Variants in CLN6 observed in about 807,000 individuals in gnomAD.
CLN6 encodes CLN6 transmembrane ER protein.
CLN6 carries 22 observed loss-of-function variants against 33.3 expected under a neutral mutation model. The ratio of observed to expected loss-of-function variants is 0.66; its 90% CI spans 0.47 to 0.94. The LOEUF (loss-of-function observed/expected upper bound fraction) is 0.94, where lower values mean the gene tolerates loss of function less well. Among genes scored for constraint, CLN6 ranks in the 40% least tolerant of loss-of-function variants. CLN6 has a pLI of 0.00. For synonymous variants in CLN6, 201 were observed against 174.6 expected (o/e 1.15, Z -1.19); for missense variants, 387 against 417.1 (o/e 0.93, Z 0.63).
chr15:68,220,502 G>A lies in CLN6; in HGVS notation c.84-1852C>T, dbSNP rs942214331. ...GTGGGACTTTTCCAACTGCAGGTGA[G>A]GAAAAGAGCTCCTTCCTTTATAGTG... On this transcript the variant is annotated intron_variant, in intron 1 of 6. Coordinates refer to ENST00000249806, the MANE Select transcript of CLN6 (RefSeq NM_017882.3). The surrounding 1 kb of genome is among the most constrained non-coding windows in gnomAD (Gnocchi z 4.2). Among the ~76,000 whole-genome samples, 8 of 152,270 alleles carry A rather than the reference G, an allele frequency of 5.3e-5. No homozygotes were observed. Among genetic ancestry groups the A allele is most frequent in the Non-Finnish European group, 8.8e-5 (6 of 68,054 alleles).
intron 1 of CLN6, among the ~76,000 whole-genome samples, chr15:68,250,400 A>G (rs1407570108): frequency 6.6e-6 from 1 of 152,046 alleles, no homozygotes; most frequent in African/African-American, 2.4e-5. Flanking sequence ...AGGCAGGCGG[A>G]TCAAGAGGTC....
At chr15:68,232,691 CT>C (rs2093270057), upstream of CLN6, among the ~76,000 whole-genome samples, 1 of 152,186 alleles carries the variant, frequency 6.6e-6, no homozygotes, top group Non-Finnish European at 1.5e-5. The surrounding 1 kb of genome is among the most constrained non-coding windows in gnomAD (Gnocchi z 4.7). Context: ...ATAAATTTTT[CT>C]CTCTTCCTCT....
chr15:68,235,111 T>C (rs1196360797), intron 1 of CLN6, among the ~76,000 whole-genome samples: 1 of 152,220 alleles, frequency 6.6e-6, no homozygotes, highest in Non-Finnish European at 1.5e-5. Context: ...CAGTGCTTAA[T>C]GTGTATTATC....
At position 68,209,850 on chromosome 15, in the gene CLN6, G is replaced by C; in HGVS notation, c.543-91C>G. 6.4e-7 allele frequency: 1 copy of C among 1,561,528 alleles called. No homozygotes were observed. The highest frequency in any genetic ancestry group is 1.1e-5 in the South Asian group (1 of 89,382). On this transcript the variant is annotated intron_variant, in intron 5 of 6. Coordinates refer to ENST00000249806, the MANE Select transcript of CLN6 (RefSeq NM_017882.3). The surrounding 1 kb of genome is among the most constrained non-coding windows in gnomAD (Gnocchi z 4.9). ...CCACTCCCATGGGGTCTCATGGAGTGCCACGTCACAGTTTACAAAACGCCT... is the reference window on the plus strand; with the variant it reads ...CCACTCCCATGGGGTCTCATGGAGTCCCACGTCACAGTTTACAAAACGCCT...
Position 68,211,959 on chromosome 15 carries a change from C to T in CLN6, c.298-96G>A, listed in dbSNP as rs2093207133. ...CCTCACACCTGGGGTGGGATGGACG[C>T]TTCCAGCTGGAATGTCACTCCAAAA... is the stretch of plus-strand genomic sequence containing the variant. On this transcript the variant is annotated intron_variant, in intron 3 of 6. Coordinates refer to ENST00000249806, the MANE Select transcript of CLN6 (RefSeq NM_017882.3). This position sits in a 1 kb window ranked among gnomAD's most constrained non-coding sequence, Gnocchi z 5.9. The T allele has an allele frequency of 2.3e-6, 3 of 1,279,470 alleles. No individual in the cohort carries two copies. Among genetic ancestry groups the T allele is most frequent in the Non-Finnish European group, 3.3e-6 (3 of 910,004 alleles). The allele number at this position is 1,279,470 out of a possible 1,614,324, so 79.3% of individuals were successfully genotyped here.
chr15:68,249,851 C>A (rs1199065094), intron 1 of CLN6, among the ~76,000 whole-genome samples: 1 of 152,162 alleles, frequency 6.6e-6, no homozygotes, highest in Non-Finnish European at 1.5e-5. Flanking sequence ...TCGGCTCCTG[C>A]AACCTCTGCC....
intron 1 of CLN6, among the ~76,000 whole-genome samples, chr15:68,223,298 G>A (rs891412539): frequency 2.0e-5 from 3 of 152,146 alleles, no homozygotes; most frequent in African/African-American, 7.2e-5. Context: ...GAGCTGAGAT[G>A]CCTGGCTTAC....
intron 2 of CLN6, chr15:68,215,305 A>T (rs780774883): frequency 7.2e-5 from 11 of 152,244 alleles, no homozygotes; most frequent in Middle Eastern, 3.4e-3. Context: ...GCATGTGTTT[A>T]TCTGCCTCTT....
At chr15:68,230,541 G>C (rs968296061), upstream of CLN6, among the ~76,000 whole-genome samples, 2 of 152,212 alleles carry the variant, frequency 1.3e-5, no homozygotes, top group African/African-American at 4.8e-5. The surrounding 1 kb of genome is among the most constrained non-coding windows in gnomAD (Gnocchi z 4.0). Context: ...CTGCAGGGCA[G>C]ATTGCCAGGA....
rs1368626498 is a variant in CLN6, at chr15:68,214,415, C to T, written c.199-27G>A. On this transcript the variant is annotated intron_variant, in intron 2 of 6. Coordinates refer to ENST00000249806, the MANE Select transcript of CLN6 (RefSeq NM_017882.3). ...TGCGGAGCAAATGGAAGAATGGGCT[C>T]ACCTGGGCACAGCCCCACGCGGCCC... The T allele has an allele frequency of 3.8e-6, 6 of 1,567,166 alleles. No homozygotes were observed. The South Asian group carries it at 5.6e-5, about 15-fold the overall frequency.
chr15:68,239,381 G>T (rs1892261727), intron 1 of CLN6, among the ~76,000 whole-genome samples: 1 of 151,832 alleles, frequency 6.6e-6, no homozygotes, highest in Non-Finnish European at 1.5e-5. Flanking sequence ...GATGAAAAAA[G>T]ATATAACAGG....
chr15:68,235,518 C>T (rs1011704797), intron 1 of CLN6, among the ~76,000 whole-genome samples: 12 of 150,398 alleles, frequency 8.0e-5, no homozygotes, highest in South Asian at 2.1e-4. Flanking sequence ...TGCATTGAGC[C>T]GAGATCGTGC....
chr15:68,221,371 G>A (rs1226827340), intron 1 of CLN6, among the ~76,000 whole-genome samples: 2 of 152,138 alleles, frequency 1.3e-5, no homozygotes, highest in Non-Finnish European at 1.5e-5. Flanking sequence ...GCCTGGGATC[G>A]CAGGCACACG....
chr15:68,250,418 C>G (rs547469460), intron 1 of CLN6, among the ~76,000 whole-genome samples: 1 of 151,664 alleles, frequency 6.6e-6, no homozygotes, highest in Non-Finnish European at 1.5e-5. Context: ...GTCAAGAGAT[C>G]AAGACCATTC....
At chr15:68,235,630 A>C (rs965742907) in intron 1 of CLN6, among the ~76,000 whole-genome samples, 7 of 114,906 alleles carry the variant, frequency 6.1e-5, no homozygotes, top group African/African-American at 2.2e-4. Context: ...ATATATATAT[A>C]TATCGATTAA....
chr15:68,226,908 T>G (rs1257416905), intron 1 of CLN6, among the ~76,000 whole-genome samples: 3 of 152,250 alleles, frequency 2.0e-5, no homozygotes, highest in Non-Finnish European at 4.4e-5. Flanking sequence ...AAAAAAGAGC[T>G]AAAAGAAGCT....
rs961769438 is a variant in CLN6, at chr15:68,236,677, C to A, written c.180-18027G>T. On this transcript the variant is annotated intron_variant, in intron 1 of 6. Transcript: ENST00000538696. This position sits in a 1 kb window ranked among gnomAD's most constrained non-coding sequence, Gnocchi z 4.5. ...TTAAGTAGTGGTAATGACTTCACAA[C>A]TTCTGTGAATATACTAAAAACCACT... Among the ~76,000 whole-genome samples the A allele has an allele frequency of 2.6e-5, 4 of 152,188 alleles. No individual in the cohort carries two copies. Among genetic ancestry groups the A allele is most frequent in the Admixed American group, 1.3e-4 (2 of 15,274 alleles).
At position 68,229,489 on chromosome 15, in the gene CLN6, G is replaced by A. The variant is rs938706029; in HGVS notation, c.83+13C>T. On this transcript the variant is annotated intron_variant, in intron 1 of 6. Coordinates refer to ENST00000249806, the MANE Select transcript of CLN6 (RefSeq NM_017882.3). ...GGCGCCTAGCCCGCCCTCTCACCCC[G>A]GCGCGCGCCCACCTGGCCTGCAGGA... The A allele has an allele frequency of 4.1e-6, 6 of 1,460,540 alleles. 1 individual carries two copies. In the Admixed American group the frequency reaches 1.2e-4, roughly 29 times the overall value. The allele number at this position is 1,460,540 out of a possible 1,614,324, so 90.5% of individuals were successfully genotyped here.
In CLN6 at chr15:68,228,762, G is replaced by A. The variant is rs1468911528; in HGVS notation, c.83+740C>T. On this transcript the variant is annotated intron_variant, in intron 1 of 6. Transcript: ENST00000249806. This position sits in a 1 kb window ranked among gnomAD's most constrained non-coding sequence, Gnocchi z 4.4. ...TCTCCTGATCCCTACAGGACCGTAA[G>A]CCTCTCCCACCTTCACCCTGCCTAC... Among the ~76,000 whole-genome samples, 1 of 152,076 alleles carries A rather than the reference G, an allele frequency of 6.6e-6. No homozygotes were observed. The highest frequency in any genetic ancestry group is 2.4e-5 in the African/African-American group (1 of 41,402).
Sources: allele counts gnomAD v4.1 joint callset (sites outside exome capture counted in the v4.1 genomes callset), GRCh38; gene constraint gnomAD v4.1.1; non-coding constraint Gnocchi (gnomAD v3.1); transcripts MANE v1.5; gene names NCBI Gene and HGNC (gene_info 2026-07-23, HGNC 2026-07-21).